DYM: variants seen among roughly 807,000 people sequenced by gnomAD.
DYM encodes the protein dymeclin, also known as dyggve-Melchior-Clausen syndrome protein.
Under a neutral mutation model 93.1 loss-of-function variants are expected in DYM, and 78 were observed. That is an observed-to-expected ratio of 0.84 (90% CI 0.70 to 1.01). The LOEUF (loss-of-function observed/expected upper bound fraction) is 1.01, where lower values mean the gene tolerates loss of function less well. Among genes scored for constraint, DYM ranks in the 50% least tolerant of loss-of-function variants. DYM has a pLI of 0.00. For synonymous variants in DYM, 321 were observed against 319.7 expected (o/e 1.00, Z -0.04); for missense variants, 789 against 845.0 (o/e 0.93, Z 0.82).
At chr18:49,317,408 T>C (rs1057075515) in intron 8 of DYM, among the ~76,000 whole-genome samples, 5 of 152,022 alleles carry the variant, frequency 3.3e-5, no homozygotes, top group African/African-American at 1.2e-4. Context: ...GACAGAATCT[T>C]TGGCAGGGGT....
chr18:49,146,803 T>C (rs2085198825), intron 15 of DYM, among the ~76,000 whole-genome samples: 1 of 152,154 alleles, frequency 6.6e-6, no homozygotes, highest in Non-Finnish European at 1.5e-5. Flanking sequence ...GCCATCCCCA[T>C]CAAGCTACCA....
chr18:49,399,423 C>T lies in DYM; in HGVS notation c.141-7778G>A, dbSNP rs953930495. Among the ~76,000 whole-genome samples, 11 of 152,138 alleles carry T rather than the reference C, an allele frequency of 7.2e-5. 1 individual carries two copies. Among genetic ancestry groups the T allele is most frequent in the East Asian group, 5.8e-4 (3 of 5,202 alleles). On this transcript the variant is annotated intron_variant, in intron 2 of 17. Transcript: ENST00000675505. ...TACAAAGCTGGAAAAGTATTCTAGA[C>T]GGCTGGAATACCAAGTTCAGTCTCT...
chr18:49,222,672 T>G (rs2093406767), intron 13 of DYM, among the ~76,000 whole-genome samples: 1 of 152,084 alleles, frequency 6.6e-6, no homozygotes, highest in Admixed American at 6.6e-5. Context: ...TGAAAATGTA[T>G]CAATTACTAC....
At chr18:49,385,124 T>C (rs1045353308) in intron 3 of DYM, among the ~76,000 whole-genome samples, 1 of 151,220 alleles carries the variant, frequency 6.6e-6, no homozygotes, top group Non-Finnish European at 1.5e-5. Flanking sequence ...GAGATATCCA[T>C]AGGTTAAAAT....
chr18:49,341,112 C>T (rs771250747), intron 6 of DYM, among the ~76,000 whole-genome samples: 1 of 151,960 alleles, frequency 6.6e-6, no homozygotes, highest in Non-Finnish European at 1.5e-5. Flanking sequence ...CTAACTTGCA[C>T]CAAAAAAATC....
chr18:49,340,721 G>A (rs1203899261), intron 6 of DYM, among the ~76,000 whole-genome samples: 2 of 152,146 alleles, frequency 1.3e-5, no homozygotes, highest in African/African-American at 4.8e-5. Flanking sequence ...GGAAACAAAA[G>A]ACATGTGCAA....
intron 2 of DYM, among the ~76,000 whole-genome samples, chr18:49,405,746 T>A (rs2071419081): frequency 6.6e-6 from 1 of 152,196 alleles, no homozygotes; most frequent in African/African-American, 2.4e-5. Flanking sequence ...TGAACAGTTT[T>A]TTCTAATTCT....
intron 1 of DYM, among the ~76,000 whole-genome samples, chr18:49,445,566 A>C (rs1364027490): frequency 2.0e-5 from 3 of 152,200 alleles, no homozygotes; most frequent in Admixed American, 1.3e-4. Flanking sequence ...TAGAAAATTT[A>C]AAGAACAATT....
At chr18:49,348,907 C>CA (rs11398177) in intron 6 of DYM, among the ~76,000 whole-genome samples, 43,745 of 123,098 alleles carry the variant, frequency 0.36, 8,397 homozygotes, top group East Asian at 0.73. Context: ...GACTCCTCAC[C>CA]AAAAAAAAAA....
At chr18:49,303,704 A>T (rs1825353696) in intron 8 of DYM, among the ~76,000 whole-genome samples, 1 of 152,216 alleles carries the variant, frequency 6.6e-6, no homozygotes, top group Non-Finnish European at 1.5e-5. Flanking sequence ...GAAGGACCAC[A>T]GACAGGCCAA....
chr18:49,453,324 A>G (rs1320088306), intron 1 of DYM, among the ~76,000 whole-genome samples: 1 of 152,190 alleles, frequency 6.6e-6, no homozygotes, highest in Non-Finnish European at 1.5e-5. Flanking sequence ...CCCAACCAGC[A>G]GTGGCAACCG....
rs1486904365 is a variant in DYM at position 49,453,185 on chromosome 18, A to C, written c.-54+7213T>G. ...ACCAATCAGTACTCTGTATCTAGCT[A>C]ATCTAGGGGGGACTTGGAGAACTTT... On this transcript the variant is annotated intron_variant, in intron 1 of 17. Coordinates refer to ENST00000675505, the MANE Select transcript of DYM (RefSeq NM_001353214.3). 3.8e-5 allele frequency among the ~76,000 whole-genome samples: 3 copies of C among 79,806 alleles called. 1 individual carries two copies. The highest frequency in any genetic ancestry group is 8.0e-5 in the Non-Finnish European group (3 of 37,632). The allele number at this position is 79,806 out of a possible 152,430, so 52.4% of individuals were successfully genotyped here. A position where few individuals can be genotyped will look rare whatever the true frequency, so the allele number is the denominator to read the frequency against.
intron 14 of DYM, among the ~76,000 whole-genome samples, chr18:49,181,509 A>T (rs190364973): frequency 1.3e-5 from 2 of 152,302 alleles, no homozygotes; most frequent in East Asian, 3.9e-4. Flanking sequence ...AATTCCTGCA[A>T]ATTTTGGAAT....
At chr18:49,183,996 A>C (rs549106578) in intron 14 of DYM, among the ~76,000 whole-genome samples, 3 of 151,956 alleles carry the variant, frequency 2.0e-5, no homozygotes, top group African/African-American at 2.4e-5. Context: ...ACCCCACTAG[A>C]CCCCACCCTA....
At chr18:49,212,224 G>A (rs2092816892) in intron 13 of DYM, among the ~76,000 whole-genome samples, 1 of 152,118 alleles carries the variant, frequency 6.6e-6, no homozygotes, top group African/African-American at 2.4e-5. Context: ...TATGTAACAT[G>A]ATTTTGGTAT....
chr18:49,138,435 T>G (rs760538888), intron 15 of DYM, among the ~76,000 whole-genome samples: 7 of 152,202 alleles, frequency 4.6e-5, no homozygotes, highest in Non-Finnish European at 8.8e-5. Context: ...TATCGGAATA[T>G]TCCCTCCACC....
chr18:49,270,624 T>TA (rs1405687541), intron 11 of DYM, among the ~76,000 whole-genome samples: 1 of 152,210 alleles, frequency 6.6e-6, no homozygotes, highest in Non-Finnish European at 1.5e-5. Context: ...TATGCTAATT[T>TA]ACCTGACTAT....
chr18:49,194,489 T>A (rs912794883), intron 14 of DYM, among the ~76,000 whole-genome samples: 3 of 152,186 alleles, frequency 2.0e-5, no homozygotes, highest in African/African-American at 7.2e-5. Context: ...AAGGTCCTAT[T>A]CTTACATTGT....
At chr18:49,393,552 C>G (rs1305396649) in intron 2 of DYM, 1 of 152,232 alleles carries the variant, frequency 6.6e-6, no homozygotes, top group Non-Finnish European at 1.5e-5. Context: ...GGGCAGATCA[C>G]CTGAAGTCGG....
Sources: gnomAD v4.1 joint callset for allele counts (sites outside exome capture counted in the v4.1 genomes callset) on GRCh38, gnomAD v4.1.1 for gene constraint, MANE v1.5 for transcripts, NCBI Gene and HGNC (gene_info 2026-07-23, HGNC 2026-07-21) for gene names.